TRHDE: variants seen among roughly 807,000 people sequenced by gnomAD.
TRHDE encodes the protein thyrotropin releasing hormone degrading enzyme.
Under a neutral mutation model 125.7 loss-of-function variants are expected in TRHDE, and 72 were observed. That is an observed-to-expected ratio of 0.57 (90% CI 0.47 to 0.70). The LOEUF (loss-of-function observed/expected upper bound fraction) is 0.70. TRHDE is among the 30% of genes least tolerant of loss of function. The pLI is 0.00. For missense variants in TRHDE, 1,110 were observed against 1,327.1 expected, an observed-to-expected ratio of 0.84 and a Z score of 2.54; for synonymous variants, 509 against 509.1, an observed-to-expected ratio of 1.00 and a Z score of 0.00.
intron 7 of TRHDE, among the ~76,000 whole-genome samples, chr12:72,559,739 A>G (rs773666610): frequency 3.9e-5 from 6 of 152,204 alleles, no homozygotes. Context: ...TCAGATTTAT[A>G]TCTCTAAGGA....
In TRHDE at chr12:72,422,607, A is replaced by G. The variant is rs1044393718; in HGVS notation, c.1315+44486A>G. 3.9e-5 allele frequency among the ~76,000 whole-genome samples: 6 copies of G among 152,304 alleles called. No homozygotes were observed. The South Asian group carries it at 1.2e-3, about 32-fold the overall frequency. The stretch of plus-strand genomic sequence containing the variant: ...CTTTCATTTTATTCTTCCTGGAACA[A>G]ATTTATTTCTGTGAGAGAAAGCAAA... On this transcript the variant is annotated intron_variant, in intron 3 of 18. Coordinates refer to ENST00000261180, the MANE Select transcript of TRHDE (RefSeq NM_013381.3).
chr12:72,393,736 T>C (rs1346175634), intron 3 of TRHDE, among the ~76,000 whole-genome samples: 1 of 152,204 alleles, frequency 6.6e-6, no homozygotes, highest in African/African-American at 2.4e-5. Flanking sequence ...TGCTGTGTTA[T>C]AGTTGACATT....
At chr12:72,423,664 G>A (rs1300009902) in intron 3 of TRHDE, among the ~76,000 whole-genome samples, 1 of 152,046 alleles carries the variant, frequency 6.6e-6, no homozygotes, top group Admixed American at 6.6e-5. Context: ...AATGGCAAAG[G>A]GAGTTTAAGA....
Position 72,092,552 on chromosome 12 carries a change from G to A in TRHDE, n.174+5113G>A, listed in dbSNP as rs76782253. Among the ~76,000 whole-genome samples, 882 of 152,274 alleles carry A rather than the reference G, an allele frequency of 5.8e-3. 18 individuals are homozygous for A. The highest frequency in any genetic ancestry group is 6.5e-3 in the Non-Finnish European group (442 of 68,016). On this transcript the variant is annotated intron_variant and non_coding_transcript_variant, in intron 1 of 4. Transcript: ENST00000548156. ...GGTCTTCCTGTGTGGAAGCAAAAGC[G>A]ACTATAGCATCCTTTCAGGCTGAAA...
intron 12 of TRHDE, among the ~76,000 whole-genome samples, chr12:72,611,470 A>G (rs934900986): frequency 2.0e-5 from 3 of 152,200 alleles, no homozygotes; most frequent in Non-Finnish European, 2.9e-5. Context: ...TGAACAAATT[A>G]TATCACATTT....
At chr12:72,422,818 T>C (rs1874016043) in intron 3 of TRHDE, among the ~76,000 whole-genome samples, 1 of 152,104 alleles carries the variant, frequency 6.6e-6, no homozygotes, top group South Asian at 2.1e-4. Context: ...GGTGTTTAGG[T>C]CATGAGGGCT....
At chr12:72,313,442 AATGTGATATAACTGTGATAGT>A (rs1868643216) in intron 2 of TRHDE, among the ~76,000 whole-genome samples, 2 of 152,174 alleles carry the variant, frequency 1.3e-5, no homozygotes, top group African/African-American at 4.8e-5. Flanking sequence ...CTGTTATGCA[AATGTGATATAACTGTGATAGT>A]ATAAGATATA....
chr12:72,560,005 G>T (rs976136244), intron 7 of TRHDE, among the ~76,000 whole-genome samples: 4 of 151,548 alleles, frequency 2.6e-5, no homozygotes, highest in Admixed American at 2.0e-4. Context: ...TGGAATTAAT[G>T]AAAAAAAATA....
At chr12:72,133,466 G>A (rs1875911194) in intron 2 of TRHDE, among the ~76,000 whole-genome samples, 1 of 152,152 alleles carries the variant, frequency 6.6e-6, no homozygotes, top group Non-Finnish European at 1.5e-5. Context: ...AGGTGCTGGG[G>A]AAGATAATAT....
At chr12:72,286,175 A>G (rs1285864863) in intron 1 of TRHDE, among the ~76,000 whole-genome samples, 1 of 152,264 alleles carries the variant, frequency 6.6e-6, no homozygotes, top group Non-Finnish European at 1.5e-5. Flanking sequence ...AGAATTTATC[A>G]GGTCTCAAAA....
intron 2 of TRHDE, among the ~76,000 whole-genome samples, chr12:72,153,171 A>G (rs1265380881): frequency 6.6e-6 from 1 of 152,096 alleles, no homozygotes; most frequent in Non-Finnish European, 1.5e-5. Context: ...TAGATTTTCT[A>G]GTTTATTTAC....
chr12:72,245,530 G>A (rs1878559662), intron 2 of TRHDE, among the ~76,000 whole-genome samples: 1 of 151,902 alleles, frequency 6.6e-6, no homozygotes, highest in African/African-American at 2.4e-5. Flanking sequence ...CTTTCTAGAA[G>A]TTTCTTGTCT....
intron 2 of TRHDE, among the ~76,000 whole-genome samples, chr12:72,329,091 G>T (rs1198096146): frequency 6.6e-6 from 1 of 151,994 alleles, no homozygotes. Flanking sequence ...TCATATTCTT[G>T]TCCTTTGCTA....
intron 2 of TRHDE, among the ~76,000 whole-genome samples, chr12:72,125,555 A>G (rs1875693735): frequency 6.6e-6 from 1 of 152,158 alleles, no homozygotes; most frequent in Admixed American, 6.6e-5. Flanking sequence ...ATACACTCCT[A>G]TGTATTTAAT....
intron 3 of TRHDE, among the ~76,000 whole-genome samples, chr12:72,465,865 C>A (rs886238204): frequency 6.6e-6 from 1 of 152,144 alleles, no homozygotes; most frequent in African/African-American, 2.4e-5. Flanking sequence ...ACAATGTTTT[C>A]TTTATTTTTT....
chr12:72,614,334 T>A (rs1444775786), intron 12 of TRHDE, among the ~76,000 whole-genome samples: 3 of 68,968 alleles, frequency 4.3e-5, no homozygotes, highest in African/African-American at 2.9e-4. Context: ...ATATATATTT[T>A]TTTTTTCTCT....
intron 12 of TRHDE, among the ~76,000 whole-genome samples, chr12:72,577,960 A>G (rs1348307488): frequency 6.6e-6 from 1 of 152,178 alleles, no homozygotes; most frequent in Non-Finnish European, 1.5e-5. Context: ...ATAAATACAA[A>G]TTTAGATTCA....
At chr12:72,401,123 C>T (rs1873025929) in intron 3 of TRHDE, among the ~76,000 whole-genome samples, 1 of 151,958 alleles carries the variant, frequency 6.6e-6, no homozygotes, top group South Asian at 2.1e-4. Context: ...TGATTTTTAA[C>T]CATTTTATAA....
chr12:72,138,491 G>T (rs1876040201), intron 2 of TRHDE, among the ~76,000 whole-genome samples: 1 of 152,212 alleles, frequency 6.6e-6, no homozygotes, highest in Non-Finnish European at 1.5e-5. Context: ...AAAACCCAAG[G>T]CTATTCTGAT....
Sources: gnomAD v4.1 joint callset for allele counts (sites outside exome capture counted in the v4.1 genomes callset) on GRCh38, gnomAD v4.1.1 for gene constraint, MANE v1.5 for transcripts, NCBI Gene and HGNC (gene_info 2026-07-23, HGNC 2026-07-21) for gene names.